LINGO2: variants seen among roughly 807,000 people sequenced by gnomAD.
LINGO2 encodes the protein leucine-rich repeat and immunoglobulin-like domain-containing nogo receptor-interacting protein 2.
In LINGO2, 14 loss-of-function variants were observed where a neutral mutation model predicts 30.6. That is an observed-to-expected ratio of 0.46 (90% CI 0.30 to 0.72). The LOEUF is 0.72. LINGO2 is among the 30% of genes least tolerant of loss of function. LINGO2 has a pLI of 0.07. For synonymous variants in LINGO2, 317 were observed against 288.5 expected (o/e 1.10, Z -1.00); for missense variants, 729 against 751.7 (o/e 0.97, Z 0.35).
chr9:29,092,204 G>A, the LINGO2 span, among the ~76,000 whole-genome samples: 2 of 151,910 alleles, frequency 1.3e-5, no homozygotes, highest in Admixed American at 1.3e-4. Flanking sequence ...TAGACAGACT[G>A]AGCAATATAT....
chr9:28,967,844 GAGAA>G, the LINGO2 span, among the ~76,000 whole-genome samples: 6 of 152,304 alleles, frequency 3.9e-5, no homozygotes, highest in East Asian at 9.7e-4. Flanking sequence ...GAGCGAGAAA[GAGAA>G]AGAGAGAAGA....
chr9:28,709,463 G>T, the LINGO2 span, among the ~76,000 whole-genome samples: 82 of 152,054 alleles, frequency 5.4e-4, 3 homozygotes, highest in East Asian at 0.01. Flanking sequence ...GTTTACTTTG[G>T]ATGTATTTGG....
chr9:29,168,142 T>G, the LINGO2 span, among the ~76,000 whole-genome samples: 1 of 152,168 alleles, frequency 6.6e-6, no homozygotes, highest in Non-Finnish European at 1.5e-5. Flanking sequence ...TCATGTCTCT[T>G]ATCAGTTTTG....
chr9:28,814,369 G>A, the LINGO2 span, among the ~76,000 whole-genome samples: 78 of 151,840 alleles, frequency 5.1e-4, no homozygotes, highest in African/African-American at 1.7e-3. Context: ...CCCGGGAGGC[G>A]GAGATTGCAG....
chr9:28,808,840 C>G, the LINGO2 span, among the ~76,000 whole-genome samples: 1 of 152,076 alleles, frequency 6.6e-6, no homozygotes, highest in Non-Finnish European at 1.5e-5. Context: ...GTATTTCTAC[C>G]ATCAGCCTGA....
chr9:29,029,410 A>C, the LINGO2 span, among the ~76,000 whole-genome samples: 4 of 152,194 alleles, frequency 2.6e-5, no homozygotes, highest in African/African-American at 9.6e-5. Context: ...AATTATTCTT[A>C]TTAGATGCTC....
At chr9:28,349,271 T>G (rs868677493) in intron 3 of LINGO2, among the ~76,000 whole-genome samples, 2,785 of 149,414 alleles carry the variant, frequency 0.019, 30 homozygotes, top group Middle Eastern at 0.045. Flanking sequence ...GAAGAATGTA[T>G]AATTAGAATA....
chr9:29,052,184 T>G, the LINGO2 span, among the ~76,000 whole-genome samples: 3 of 152,140 alleles, frequency 2.0e-5, no homozygotes, highest in African/African-American at 7.2e-5. Context: ...ATCCAATGAA[T>G]AAAAGAACTG....
chr9:28,493,260 T>A (rs1313096178), intron 1 of LINGO2, among the ~76,000 whole-genome samples: 1 of 152,186 alleles, frequency 6.6e-6, no homozygotes, highest in Non-Finnish European at 1.5e-5. Flanking sequence ...TACTTCCACC[T>A]ACATTTCTTT....
intron 2 of LINGO2, among the ~76,000 whole-genome samples, chr9:28,383,724 A>G (rs1172768404): frequency 1.3e-5 from 2 of 152,136 alleles, no homozygotes; most frequent in African/African-American, 4.8e-5. Flanking sequence ...CATCTGTATA[A>G]TATTTCAGAT....
the LINGO2 span, among the ~76,000 whole-genome samples, chr9:28,825,642 A>T: frequency 6.6e-6 from 1 of 151,872 alleles, no homozygotes; most frequent in East Asian, 1.9e-4. Flanking sequence ...CCACCATCCT[A>T]CATTAACCCT....
At chr9:29,107,140 T>C in the LINGO2 span, among the ~76,000 whole-genome samples, 10 of 152,088 alleles carry the variant, frequency 6.6e-5, no homozygotes, top group Non-Finnish European at 1.2e-4. Flanking sequence ...AATTAAACCC[T>C]GCTTTCAGAA....
At chr9:28,922,539 T>A in the LINGO2 span, among the ~76,000 whole-genome samples, 1 of 152,202 alleles carries the variant, frequency 6.6e-6, no homozygotes, top group African/African-American at 2.4e-5. Context: ...ATAACCTTAT[T>A]GTAAATCATG....
chr9:28,318,016 C>T (rs1259675656), intron 3 of LINGO2, among the ~76,000 whole-genome samples: 1 of 152,194 alleles, frequency 6.6e-6, no homozygotes, highest in Admixed American at 6.5e-5. Context: ...AAGGAATACA[C>T]ATATGCTGCA....
the LINGO2 span, among the ~76,000 whole-genome samples, chr9:28,806,448 A>C: frequency 8.9e-4 from 135 of 152,304 alleles, no homozygotes; most frequent in African/African-American, 3.0e-3. Flanking sequence ...CCAAGTTCTC[A>C]TATCATCCCC....
the LINGO2 span, among the ~76,000 whole-genome samples, chr9:29,153,424 C>T: frequency 2.0e-5 from 3 of 151,926 alleles, no homozygotes; most frequent in African/African-American, 7.3e-5. Context: ...TTGCTAGAAC[C>T]GTAATTTTGG....
At chr9:28,745,112 C>T in the LINGO2 span, among the ~76,000 whole-genome samples, 2 of 151,972 alleles carry the variant, frequency 1.3e-5, no homozygotes, top group African/African-American at 2.4e-5. Context: ...TTGTAAGTTC[C>T]TTCTAGGATT....
chr9:27,945,891 C>T (rs753780810), downstream of LINGO2, among the ~76,000 whole-genome samples: 1 of 152,032 alleles, frequency 6.6e-6, no homozygotes, highest in Non-Finnish European at 1.5e-5. Context: ...ATGCTTCAGG[C>T]AAAAAGTAGC....
At chr9:28,780,624 A>G in the LINGO2 span, among the ~76,000 whole-genome samples, 100 of 152,240 alleles carry the variant, frequency 6.6e-4, no homozygotes, top group Admixed American at 2.8e-3. Flanking sequence ...TGATTTTATT[A>G]CAAGTTACAG....
Sources: allele counts gnomAD v4.1 joint callset (sites outside exome capture counted in the v4.1 genomes callset), GRCh38; gene constraint gnomAD v4.1.1; transcripts MANE v1.5; gene names NCBI Gene and HGNC (gene_info 2026-07-23, HGNC 2026-07-21).